TPRG1: variants seen among roughly 807,000 people sequenced by gnomAD.
TPRG1 encodes tumor protein p63 regulated 1.
Under a neutral mutation model 29.3 loss-of-function variants are expected in TPRG1, and 29 were observed. The observed-to-expected ratio is 0.99, with a 90% confidence interval of 0.74 to 1.35. The LOEUF is 1.35. TPRG1 is among the 40% of genes most tolerant of loss of function. The probability of loss-of-function intolerance (pLI) is 0.00; values close to 1 mark genes in which losing one functional copy is unlikely to be tolerated. For synonymous variants in TPRG1, 130 were observed against 116.8 expected, an observed-to-expected ratio of 1.11 and a Z score of -0.73; for missense variants, 327 against 335.0, an observed-to-expected ratio of 0.98 and a Z score of 0.19.
chr3:189,023,437 A>T (rs1713483987), intron 3 of TPRG1, among the ~76,000 whole-genome samples: 1 of 152,198 alleles, frequency 6.6e-6, no homozygotes, highest in African/African-American at 2.4e-5. Context: ...GCATTGAGTT[A>T]CAGCATGCTC....
chr3:189,075,530 A>G (rs1027637470), intron 4 of TPRG1, among the ~76,000 whole-genome samples: 1 of 152,180 alleles, frequency 6.6e-6, no homozygotes. Flanking sequence ...ATTGTCAGTC[A>G]GCCAAATTAT....
intron 1 of TPRG1, among the ~76,000 whole-genome samples, chr3:189,186,202 G>C (rs1730894398): frequency 6.6e-6 from 1 of 152,210 alleles, no homozygotes; most frequent in African/African-American, 2.4e-5. Context: ...AGAAAGCTAT[G>C]ACTGGGTTAT....
At chr3:189,187,067 A>G (rs910679610) in intron 1 of TPRG1, among the ~76,000 whole-genome samples, 1 of 143,694 alleles carries the variant, frequency 7.0e-6, no homozygotes, top group Non-Finnish European at 1.5e-5. Flanking sequence ...GCTCACTGCA[A>G]CACTTGCCTC....
intron 4 of TPRG1, among the ~76,000 whole-genome samples, chr3:189,036,951 G>A (rs1262670017): frequency 6.7e-6 from 1 of 149,550 alleles, no homozygotes; most frequent in East Asian, 2.0e-4. Context: ...AACTGACATA[G>A]TTATCAAAAA....
At chr3:189,227,290 T>A (rs1020385896) in intron 3 of TPRG1, among the ~76,000 whole-genome samples, 1 of 152,176 alleles carries the variant, frequency 6.6e-6, no homozygotes. Flanking sequence ...CCTGTCCTGT[T>A]CTCAGGCCTC....
chr3:189,048,933 A>G (rs557118146), intron 4 of TPRG1, among the ~76,000 whole-genome samples: 13 of 152,158 alleles, frequency 8.5e-5, no homozygotes, highest in Non-Finnish European at 1.5e-4. Context: ...AGCTGAGTCA[A>G]GTTAGAGAGC....
chr3:189,033,671 C>G (rs538205587), intron 4 of TPRG1, among the ~76,000 whole-genome samples: 122 of 151,984 alleles, frequency 8.0e-4, no homozygotes, highest in Non-Finnish European at 1.5e-3. Flanking sequence ...GCTCCACCTC[C>G]CGGGTTCATG....
chr3:189,092,301 G>A (rs1010699896), intron 4 of TPRG1, among the ~76,000 whole-genome samples: 7 of 152,204 alleles, frequency 4.6e-5, no homozygotes, highest in African/African-American at 1.4e-4. Context: ...GAGATTCTGC[G>A]CCTCTAACAA....
chr3:189,299,453 C>T (rs1720488853), intron 4 of TPRG1, among the ~76,000 whole-genome samples: 1 of 152,098 alleles, frequency 6.6e-6, no homozygotes, highest in African/African-American at 2.4e-5. Context: ...TTACATACCC[C>T]TCAAAATTGA....
At chr3:189,022,984 G>A (rs1466436893) in intron 3 of TPRG1, among the ~76,000 whole-genome samples, 1 of 151,768 alleles carries the variant, frequency 6.6e-6, no homozygotes, top group Non-Finnish European at 1.5e-5. Context: ...GGAGCGACCC[G>A]ATTTTCCAGG....
At chr3:189,063,713 T>C (rs1042514409) in intron 4 of TPRG1, among the ~76,000 whole-genome samples, 1 of 152,082 alleles carries the variant, frequency 6.6e-6, no homozygotes, top group Non-Finnish European at 1.5e-5. Flanking sequence ...CAAAACCAAA[T>C]TAAATTGAAA....
chr3:189,269,270 T>C (rs1042821659), intron 4 of TPRG1, among the ~76,000 whole-genome samples: 4 of 152,168 alleles, frequency 2.6e-5, no homozygotes, highest in Non-Finnish European at 5.9e-5. Flanking sequence ...TCCATAACAA[T>C]GTGTGGTCTC....
rs980895421 is a variant in TPRG1, at chr3:189,144,447, G to A, written c.-290-3137G>A. Among the ~76,000 whole-genome samples, 37 of 152,170 alleles carry A rather than the reference G, an allele frequency of 2.4e-4. 1 individual carries two copies. The highest frequency in any genetic ancestry group is 8.8e-5 in the Non-Finnish European group (6 of 68,036). On this transcript the variant is annotated intron_variant, in intron 3 of 6. Transcript: ENST00000412373. The stretch of plus-strand genomic sequence containing the variant: ...AAATAGTGATGTGACTTCACATTTC[G>A]AAACAAAGAGGCAGGTGGTTCTGCT...
At chr3:189,133,694 G>A (rs1303158145) in intron 3 of TPRG1, among the ~76,000 whole-genome samples, 3 of 152,130 alleles carry the variant, frequency 2.0e-5, no homozygotes, top group Non-Finnish European at 4.4e-5. Flanking sequence ...CCAGTCTCAG[G>A]CAGTATCTTT....
intron 3 of TPRG1, among the ~76,000 whole-genome samples, chr3:189,006,742 C>A (rs1712308233): frequency 6.6e-6 from 1 of 152,018 alleles, no homozygotes. Flanking sequence ...TCTTTATATG[C>A]CTTAGGGGTT....
chr3:189,176,786 A>T lies in TPRG1; in HGVS notation c.-10+4655A>T, dbSNP rs116588604. On this transcript the variant is annotated intron_variant, in intron 1 of 5. Transcript: ENST00000345063. ...GAAAAATAAGGCGTGGAACGAACTG[A>T]GTGGAAAGATCTTTGGATTTTGGGA... 5.8e-3 allele frequency among the ~76,000 whole-genome samples: 883 copies of T among 152,320 alleles called. 10 individuals carry two copies. Among genetic ancestry groups the T allele is most frequent in the African/African-American group, 0.019 (775 of 41,564 alleles).
chr3:189,285,468 G>A (rs1191134286), intron 4 of TPRG1, among the ~76,000 whole-genome samples: 1 of 152,114 alleles, frequency 6.6e-6, no homozygotes, highest in Non-Finnish European at 1.5e-5. Context: ...AAAACAAAGT[G>A]TTCAGTGCTC....
chr3:189,247,555 C>T (rs1741540107), intron 4 of TPRG1, among the ~76,000 whole-genome samples: 1 of 151,806 alleles, frequency 6.6e-6, no homozygotes, highest in Non-Finnish European at 1.5e-5. Flanking sequence ...ATTGTGGAGA[C>T]TACTTACTCT....
chr3:189,313,517 G>A (rs546736164), intron 5 of TPRG1, among the ~76,000 whole-genome samples: 17 of 152,106 alleles, frequency 1.1e-4, no homozygotes, highest in Non-Finnish European at 1.9e-4. Context: ...ATTGTCTCAC[G>A]GGGAGGGAAT....
Sources: gnomAD v4.1 joint callset for allele counts (sites outside exome capture counted in the v4.1 genomes callset) on GRCh38, gnomAD v4.1.1 for gene constraint, MANE v1.5 for transcripts, NCBI Gene and HGNC (gene_info 2026-07-23, HGNC 2026-07-21) for gene names.